Variants in APBB1IP observed in about 807,000 individuals in gnomAD.
APBB1IP encodes the protein amyloid beta A4 precursor protein-binding family B member 1-interacting protein.
APBB1IP carries 27 observed loss-of-function variants against 64.9 expected under a neutral mutation model. The ratio of observed to expected loss-of-function variants is 0.42; its 90% confidence interval spans 0.31 to 0.57. APBB1IP has a LOEUF of 0.57. APBB1IP is among the 20% of genes least tolerant of loss of function. The pLI, the probability that APBB1IP is intolerant of heterozygous loss-of-function variation, is 0.20. For synonymous variants in APBB1IP, 392 were observed against 331.0 expected (o/e 1.18, Z -2.00); for missense variants, 812 against 845.5 (o/e 0.96, Z 0.49).
chr10:26,550,023 T>A (rs1049145098), intron 11 of APBB1IP, among the ~76,000 whole-genome samples: 5 of 152,004 alleles, frequency 3.3e-5, no homozygotes, highest in Non-Finnish European at 5.9e-5. Context: ...TACAGTATTC[T>A]TGGTTTTTTT....
chr10:26,464,275 C>G (rs1261469403), intron 2 of APBB1IP, among the ~76,000 whole-genome samples: 1 of 152,166 alleles, frequency 6.6e-6, no homozygotes, highest in East Asian at 1.9e-4. Context: ...TATAGTCACC[C>G]CCACTATTTG....
chr10:26,545,632 C>T (rs919126436), intron 11 of APBB1IP, among the ~76,000 whole-genome samples: 7 of 151,970 alleles, frequency 4.6e-5, no homozygotes, highest in Non-Finnish European at 8.8e-5. Flanking sequence ...TGGTAGCGGG[C>T]GCCTGTAGTC....
chr10:26,548,509 C>T (rs747244540), intron 11 of APBB1IP, among the ~76,000 whole-genome samples: 1 of 151,944 alleles, frequency 6.6e-6, no homozygotes, highest in East Asian at 1.9e-4. Context: ...CATTTATATC[C>T]TCTTCACCTT....
intron 9 of APBB1IP, 124 bp from the exon 10 acceptor site, chr10:26,535,950 C>T (rs950926765): frequency 4.4e-5 from 42 of 956,420 alleles, no homozygotes; most frequent in Non-Finnish European, 5.8e-5. Flanking sequence ...CATATGCATT[C>T]GATCAGAGTT....
chr10:26,502,010 T>G (rs989213223), intron 5 of APBB1IP: 3 of 152,228 alleles, frequency 2.0e-5, no homozygotes. Flanking sequence ...ACAGAGACTC[T>G]TAATGTATGG....
chr10:26,555,883 G>A (rs1300677316), intron 11 of APBB1IP, among the ~76,000 whole-genome samples: 3 of 152,198 alleles, frequency 2.0e-5, no homozygotes, highest in Non-Finnish European at 4.4e-5. Flanking sequence ...ACAGGTGTGA[G>A]CCACGGGGCC....
At chr10:26,516,668 G>A (rs1836335246) in intron 8 of APBB1IP, among the ~76,000 whole-genome samples, 1 of 151,490 alleles carries the variant, frequency 6.6e-6, no homozygotes, top group Admixed American at 6.6e-5. Flanking sequence ...TATTCCTCTC[G>A]CACTCAGTAA....
In APBB1IP at chr10:26,564,168, A is replaced by C. The variant is rs116565944; in HGVS notation, c.1473+1739A>C. Among the ~76,000 whole-genome samples the C allele has an allele frequency of 8.8e-3, 1,343 of 152,092 alleles. 24 individuals are homozygous for C. Among genetic ancestry groups the C allele is most frequent in the African/African-American group, 0.031 (1,288 of 41,542 alleles). On this transcript the variant is annotated intron_variant, in intron 14 of 14. Transcript: ENST00000376236. ...ATTTAATCTTCAATGGTAAGAGGCC[A>C]CTAAGCAGAGAATGAAATGAACTGG... is the stretch of plus-strand genomic sequence containing the variant.
At chr10:26,531,734 T>G (rs906922709) in intron 8 of APBB1IP, among the ~76,000 whole-genome samples, 10 of 152,200 alleles carry the variant, frequency 6.6e-5, no homozygotes, top group Non-Finnish European at 1.5e-5. Context: ...TTTAAACTTC[T>G]ACATTTTATT....
At chr10:26,544,521 C>G (rs1836736482) in intron 11 of APBB1IP, among the ~76,000 whole-genome samples, 1 of 152,180 alleles carries the variant, frequency 6.6e-6, no homozygotes, top group South Asian at 2.1e-4. Flanking sequence ...ACCATCAGTA[C>G]TCATGGCTTA....
At chr10:26,488,645 G>A (rs1835921372) in intron 2 of APBB1IP, among the ~76,000 whole-genome samples, 1 of 152,098 alleles carries the variant, frequency 6.6e-6, no homozygotes, top group African/African-American at 2.4e-5. Context: ...ATGAACCAGG[G>A]GCAGGGCCCA....
At chr10:26,455,662 ATT>A (rs1835516760) in intron 2 of APBB1IP, among the ~76,000 whole-genome samples, 3 of 151,916 alleles carry the variant, frequency 2.0e-5, no homozygotes, top group African/African-American at 7.2e-5. Flanking sequence ...ATGTCTGCTG[ATT>A]CAGCTGTTTA....
intron 13 of APBB1IP, 42 bp downstream of exon 13, chr10:26,560,886 G>A (rs752944816): frequency 2.0e-6 from 3 of 1,467,514 alleles, no homozygotes; most frequent in South Asian, 1.3e-5. Context: ...TTCAAAGCTT[G>A]GTGCTCCAGT....
intron 10 of APBB1IP, among the ~76,000 whole-genome samples, chr10:26,538,375 G>A (rs1836654210): frequency 6.6e-6 from 1 of 151,766 alleles, no homozygotes; most frequent in Non-Finnish European, 1.5e-5. Flanking sequence ...AGGTGCGGTG[G>A]CTCATGCCTG....
intron 6 of APBB1IP, among the ~76,000 whole-genome samples, chr10:26,510,573 A>G (rs940539093): frequency 6.6e-6 from 1 of 152,116 alleles, no homozygotes; most frequent in Non-Finnish European, 1.5e-5. Flanking sequence ...CCTCTACAAA[A>G]AAATGAACAA....
intron 11 of APBB1IP, among the ~76,000 whole-genome samples, chr10:26,556,492 G>A (rs1483629920): frequency 6.6e-6 from 1 of 152,212 alleles, no homozygotes; most frequent in African/African-American, 2.4e-5. Context: ...AAGGAACTTG[G>A]TGAGACCTGA....
intron 2 of APBB1IP, among the ~76,000 whole-genome samples, chr10:26,478,385 A>C (rs542707232): frequency 6.6e-6 from 1 of 152,210 alleles, no homozygotes; most frequent in South Asian, 2.1e-4. Flanking sequence ...GAATGTGTGA[A>C]TTAGAAGGAG....
intron 2 of APBB1IP, among the ~76,000 whole-genome samples, chr10:26,461,138 A>C (rs899446891): frequency 2.0e-5 from 3 of 152,082 alleles, no homozygotes; most frequent in Non-Finnish European, 2.9e-5. Flanking sequence ...CTACCACAAA[A>C]GTATTATAAA....
At position 26,537,933 on chromosome 10, in the gene APBB1IP, CAAA is replaced by C. The variant is rs11331595; in HGVS notation, c.1044+1734_1044+1736del. ...TGGGTGAAAGAGCAAGACTAGGTCT[CAAA>C]AAAAAAAAAAAAAAAAAGTGTTTAC... On this transcript the variant is annotated intron_variant, in intron 10 of 14. Coordinates refer to ENST00000376236, the MANE Select transcript of APBB1IP (RefSeq NM_019043.4). 2.9e-3 allele frequency among the ~76,000 whole-genome samples: 310 copies of C among 106,918 alleles called. 2 individuals carry two copies. The highest frequency in any genetic ancestry group is 5.1e-3 in the Middle Eastern group (1 of 198). The allele number at this position is 106,918 out of a possible 152,430, so 70.1% of individuals were successfully genotyped here. A position where few individuals can be genotyped will look rare whatever the true frequency, so the allele number is the denominator to read the frequency against.
Sources: allele counts gnomAD v4.1 joint callset (sites outside exome capture counted in the v4.1 genomes callset), GRCh38; gene constraint gnomAD v4.1.1; transcripts MANE v1.5; gene names NCBI Gene and HGNC (gene_info 2026-07-23, HGNC 2026-07-21).